The following SESTD1 variants were observed in gnomAD, a reference collection of about 807,000 sequenced individuals.
SESTD1 encodes SEC14 and spectrin domain containing 1, also known as SEC14 domain and spectrin repeat-containing protein 1.
In SESTD1, 43 loss-of-function variants were observed where a neutral mutation model predicts 101.7. The observed-to-expected ratio is 0.42, with a 90% confidence interval of 0.33 to 0.55. The LOEUF is 0.55. SESTD1 is among the 20% of genes least tolerant of loss of function. The pLI, the probability that SESTD1 is intolerant of heterozygous loss-of-function variation, is 0.07. For missense variants in SESTD1, 647 were observed against 815.1 expected (o/e 0.79, Z 2.51); for synonymous variants, 283 against 286.8 (o/e 0.99, Z 0.13).
At position 179,212,206 on chromosome 2, in the gene SESTD1, A is replaced by G. The variant is rs1474229778; in HGVS notation, c.-25-20340T>C. Reference sequence around the variant, plus strand: ...AGCAGGGCGGGGAGTTGCTTCACCTAGGAAGCGCAAGGGGCCGGGGGATTT... The same window carrying G: ...AGCAGGGCGGGGAGTTGCTTCACCTGGGAAGCGCAAGGGGCCGGGGGATTT... On this transcript the variant is annotated intron_variant, in intron 1 of 17. Coordinates refer to ENST00000428443, the MANE Select transcript of SESTD1 (RefSeq NM_178123.5). Among the ~76,000 whole-genome samples, 2 of 134,132 alleles carry G rather than the reference A, an allele frequency of 1.5e-5. 1 individual carries two copies. Among genetic ancestry groups the G allele is most frequent in the Non-Finnish European group, 3.2e-5 (2 of 62,570 alleles). The allele number at this position is 134,132 out of a possible 152,430, so 88.0% of individuals were successfully genotyped here.
intron 10 of SESTD1, among the ~76,000 whole-genome samples, chr2:179,126,309 C>CT (rs2044873520): frequency 6.6e-6 from 1 of 152,146 alleles, no homozygotes; most frequent in Non-Finnish European, 1.5e-5. Context: ...AATTCTCAGT[C>CT]TTTATTTTAT....
rs35629599 is a variant in SESTD1 at position 179,234,945 on chromosome 2, T to TAAA, written c.-26+29551_-26+29553dup. Among the ~76,000 whole-genome samples the TAAA allele has an allele frequency of 2.3e-5, 3 of 130,416 alleles. No homozygotes were observed. In the South Asian group the frequency reaches 7.3e-4, roughly 32 times the overall value. The allele number at this position is 130,416 out of a possible 152,430, so 85.6% of individuals were successfully genotyped here. A position where few individuals can be genotyped will look rare whatever the true frequency, so the allele number is the denominator to read the frequency against. On this transcript the variant is annotated intron_variant, in intron 1 of 17. Transcript: ENST00000428443. ...GCAACATAGTGAGATCTCATCTCTT[T>TAAA]AAAAAAAAAAAAAAAAAGTCATATT...
At chr2:179,183,722 T>C (rs1316266787) in intron 2 of SESTD1, among the ~76,000 whole-genome samples, 2 of 151,794 alleles carry the variant, frequency 1.3e-5, no homozygotes, top group African/African-American at 4.8e-5. Context: ...TGTAGTCTCA[T>C]ATCCCAGCTA....
chr2:179,231,286 T>C (rs2046983842), intron 1 of SESTD1, among the ~76,000 whole-genome samples: 1 of 151,962 alleles, frequency 6.6e-6, no homozygotes, highest in African/African-American at 2.4e-5. Flanking sequence ...AGTTAAGGAT[T>C]GAGGATGAAA....
At chr2:179,162,805 T>G in intron 5 of SESTD1, among the ~76,000 whole-genome samples, 1 of 136,724 alleles carries the variant, frequency 7.3e-6, no homozygotes. Flanking sequence ...GCCAACATGG[T>G]GAAACCTCGT....
chr2:179,108,787 A>G lies in SESTD1; in HGVS notation c.*1112T>C, dbSNP rs2044444964. The G allele has an allele frequency of 6.6e-6, 1 of 152,118 alleles. No homozygotes were observed. Among genetic ancestry groups the G allele is most frequent in the South Asian group, 2.1e-4 (1 of 4,834 alleles). The allele number at this position is 152,118 out of a possible 1,614,324, so 9.4% of individuals were successfully genotyped here. A position where few individuals can be genotyped will look rare whatever the true frequency, so the allele number is the denominator to read the frequency against. ...CATTTTACCATTTAAACTTAATACA[A>G]ACTTAAAAGAACTAGCATTTCATGA... On this transcript the variant is annotated 3_prime_UTR_variant, in exon 18 of 18. Transcript: ENST00000428443.
At chr2:179,168,395 T>C (rs2045872824) in intron 5 of SESTD1, among the ~76,000 whole-genome samples, 1 of 152,342 alleles carries the variant, frequency 6.6e-6, no homozygotes, top group Middle Eastern at 3.4e-3. Context: ...TGGTCAATAG[T>C]AGGCTATTAG....
At chr2:179,241,318 A>C (rs2047149444) in intron 1 of SESTD1, among the ~76,000 whole-genome samples, 1 of 152,106 alleles carries the variant, frequency 6.6e-6, no homozygotes, top group African/African-American at 2.4e-5. Flanking sequence ...TAAGGGCTAA[A>C]AACTTCCCCA....
intron 5 of SESTD1, among the ~76,000 whole-genome samples, chr2:179,153,246 C>T (rs557707210): frequency 2.6e-5 from 4 of 152,120 alleles, no homozygotes; most frequent in Non-Finnish European, 5.9e-5. Context: ...TTTATGTTTT[C>T]AGTAATCATG....
chr2:179,133,169 C>T (rs993585592), intron 9 of SESTD1, among the ~76,000 whole-genome samples: 16 of 151,944 alleles, frequency 1.1e-4, no homozygotes, highest in African/African-American at 3.6e-4. Flanking sequence ...AGCTGAGTCC[C>T]TCAAGCAGGT....
At chr2:179,257,295 A>G (rs889143412) in intron 1 of SESTD1, among the ~76,000 whole-genome samples, 1 of 152,206 alleles carries the variant, frequency 6.6e-6, no homozygotes, top group Non-Finnish European at 1.5e-5. Flanking sequence ...CCTGATCAGT[A>G]GCTATAAACA....
At chr2:179,242,021 TCA>T (rs1337992415) in intron 1 of SESTD1, among the ~76,000 whole-genome samples, 3 of 151,206 alleles carry the variant, frequency 2.0e-5, no homozygotes, top group Admixed American at 6.6e-5. Context: ...AGAAAAGAAG[TCA>T]AATTATCTGT....
chr2:179,128,196 A>T (rs964575943), intron 10 of SESTD1, among the ~76,000 whole-genome samples: 1 of 152,166 alleles, frequency 6.6e-6, no homozygotes, highest in Non-Finnish European at 1.5e-5. Context: ...ACCACTGTGG[A>T]GCTAATTATT....
chr2:179,112,647 A>G, intron 17 of SESTD1, 77 bp downstream of exon 17: 2 of 1,458,656 alleles, frequency 1.4e-6, no homozygotes, highest in Non-Finnish European at 1.8e-6. Context: ...CTTTTTAAAG[A>G]ATAGATTTCC....
At chr2:179,243,883 T>C (rs1481481116) in intron 1 of SESTD1, among the ~76,000 whole-genome samples, 1 of 151,562 alleles carries the variant, frequency 6.6e-6, no homozygotes, top group Non-Finnish European at 1.5e-5. Flanking sequence ...ACAAACTACA[T>C]ATGTACCCCA....
chr2:179,185,358 T>C (rs891971652), intron 2 of SESTD1, among the ~76,000 whole-genome samples: 1 of 147,126 alleles, frequency 6.8e-6, no homozygotes, highest in African/African-American at 2.5e-5. Flanking sequence ...TGTATTAATA[T>C]AGTATTATAA....
intron 3 of SESTD1, among the ~76,000 whole-genome samples, chr2:179,179,782 G>A (rs1374868004): frequency 6.6e-6 from 1 of 151,984 alleles, no homozygotes; most frequent in East Asian, 1.9e-4. Flanking sequence ...TTGCCTACAT[G>A]GTCTTCCATG....
At chr2:179,128,418 A>T (rs578104190) in intron 10 of SESTD1, among the ~76,000 whole-genome samples, 6 of 152,304 alleles carry the variant, frequency 3.9e-5, no homozygotes, top group Non-Finnish European at 7.4e-5. Flanking sequence ...AAAGTCATCC[A>T]AATGTTTCTT....
intron 5 of SESTD1, among the ~76,000 whole-genome samples, chr2:179,163,957 C>T (rs1041686899): frequency 1.3e-5 from 2 of 152,108 alleles, no homozygotes; most frequent in Non-Finnish European, 2.9e-5. Context: ...AAAACATTCC[C>T]CAAAAACCTA....
Sources: allele counts gnomAD v4.1 joint callset (sites outside exome capture counted in the v4.1 genomes callset), GRCh38; gene constraint gnomAD v4.1.1; transcripts MANE v1.5; gene names NCBI Gene and HGNC (gene_info 2026-07-23, HGNC 2026-07-21).